The following EPHA3 variants were observed in gnomAD, a reference collection of about 807,000 sequenced individuals.
The protein encoded by EPHA3 is EPH receptor A3, also known as ephrin type-A receptor 3.
In EPHA3, 42 loss-of-function variants were observed where a neutral mutation model predicts 107.1. That is an observed-to-expected ratio of 0.39 (90% CI 0.31 to 0.51). EPHA3 has a LOEUF of 0.51. Ranked by LOEUF, EPHA3 falls within the 20% of genes least tolerant of loss-of-function variation. EPHA3 has a pLI of 0.78. For synonymous variants in EPHA3, 461 were observed against 424.8 expected (o/e 1.09, Z -1.05); for missense variants, 1,183 against 1,211.2 (o/e 0.98, Z 0.35).
At chr3:89,179,534 C>T (rs986522031) in intron 2 of EPHA3, among the ~76,000 whole-genome samples, 2 of 151,986 alleles carry the variant, frequency 1.3e-5, no homozygotes, top group Non-Finnish European at 2.9e-5. Flanking sequence ...TGAATCTTCT[C>T]TCATCTTTTT....
intron 3 of EPHA3, among the ~76,000 whole-genome samples, chr3:89,306,558 G>A (rs1412051191): frequency 6.6e-6 from 1 of 152,110 alleles, no homozygotes; most frequent in Non-Finnish European, 1.5e-5. Context: ...AGTTATAGTT[G>A]AATGTGGCCC....
At chr3:89,269,969 C>A (rs1705628489) in intron 3 of EPHA3, among the ~76,000 whole-genome samples, 1 of 151,852 alleles carries the variant, frequency 6.6e-6, no homozygotes, top group South Asian at 2.1e-4. Context: ...CTTCAAATCA[C>A]TGGTCTTTCA....
rs760852634 is a variant in EPHA3, at chr3:89,341,884, G to A, written c.1100G>A (p.Gly367Glu). 1 of 1,613,628 alleles carries A rather than the reference G, an allele frequency of 6.2e-7. No homozygotes were observed. The highest frequency in any genetic ancestry group is 1.7e-5 in the Admixed American group (1 of 59,938). Reference protein sequence around the residue: ...VTFNIICKKCGWNIKQCEPCS... With the variant: ...VTFNIICKKCEWNIKQCEPCS... ...TTCAACATCATATGTAAAAAATGTG[G>A]GTGGAATATAAAACAGTGTGAGCCA... The change falls in exon 5 of 17, where the codon GGG becomes GAG. Residue 367 changes from glycine to glutamate, a missense_variant. Coordinates refer to ENST00000336596, the MANE Select transcript of EPHA3 (RefSeq NM_005233.6).
intron 15 of EPHA3, among the ~76,000 whole-genome samples, chr3:89,459,626 G>A (rs981223294): frequency 1.9e-4 from 29 of 151,960 alleles, no homozygotes; most frequent in African/African-American, 6.3e-4. Context: ...GGGTTCAGGC[G>A]ATTCTCCTGC....
chr3:89,149,155 G>C (rs1458873400), intron 2 of EPHA3, among the ~76,000 whole-genome samples: 1 of 151,976 alleles, frequency 6.6e-6, no homozygotes, highest in Non-Finnish European at 1.5e-5. Context: ...GGATTTTATA[G>C]AGTGCTGGTT....
chr3:89,206,490 G>A (rs1428291109), intron 2 of EPHA3, among the ~76,000 whole-genome samples: 5 of 152,036 alleles, frequency 3.3e-5, no homozygotes, highest in Non-Finnish European at 5.9e-5. Flanking sequence ...TGTCATGATC[G>A]AACTTTCTAT....
chr3:89,349,747 G>C (rs1292416059), intron 5 of EPHA3, among the ~76,000 whole-genome samples: 3 of 150,446 alleles, frequency 2.0e-5, no homozygotes, highest in Non-Finnish European at 4.4e-5. Context: ...TTTTGCAGCA[G>C]CTGGTACCAG....
In EPHA3 at chr3:89,342,065, G is replaced by A. The variant is rs56112995; in HGVS notation, c.1281G>A (p.Ala427=). ...GCTCCCCACCAAGACAGTTTGCTGC[G>A]GTCAGCATCACAACTAATCAGGCTG... ...ELSSPPRQFA[A]VSITTNQAAP... The change falls in exon 5 of 17, where the codon GCG becomes GCA. Residue 427 remains alanine (A), a synonymous_variant. Coordinates refer to ENST00000336596, the MANE Select transcript of EPHA3 (RefSeq NM_005233.6). The A allele has an allele frequency of 4.9e-3, 7,860 of 1,609,542 alleles. 26 individuals are homozygous for A. The highest frequency in any genetic ancestry group is 5.7e-3 in the South Asian group (519 of 90,624).
At chr3:89,420,861 T>C (rs1709340247) in intron 11 of EPHA3, among the ~76,000 whole-genome samples, 1 of 151,484 alleles carries the variant, frequency 6.6e-6, no homozygotes, top group Admixed American at 6.6e-5. Context: ...TTACAAGTTT[T>C]TCATTATGAA....
intron 5 of EPHA3, among the ~76,000 whole-genome samples, chr3:89,370,464 A>G (rs1011085074): frequency 6.6e-6 from 1 of 151,788 alleles, no homozygotes; most frequent in Admixed American, 6.6e-5. Flanking sequence ...CAATGAGAAC[A>G]CATGGACACA....
chr3:89,353,007 T>C lies in EPHA3; in HGVS notation c.1306+10917T>C, dbSNP rs866530613. 2.4e-4 allele frequency among the ~76,000 whole-genome samples: 36 copies of C among 151,252 alleles called. 2 individuals carry two copies. In the Middle Eastern group the frequency reaches 0.01, roughly 43 times the overall value. On this transcript the variant is annotated intron_variant, in intron 5 of 16. Coordinates refer to ENST00000336596, the MANE Select transcript of EPHA3 (RefSeq NM_005233.6). ...TTCTAAGTTTTCTGTAGTTTCATTC[T>C]GGAATATGTTTCCTCTAGCCACCTT...
intron 3 of EPHA3, among the ~76,000 whole-genome samples, chr3:89,254,108 G>A (rs1295371286): frequency 2.0e-5 from 3 of 151,970 alleles, no homozygotes; most frequent in Non-Finnish European, 2.9e-5. Flanking sequence ...AGCCCTCCGA[G>A]TTTATATGTT....
intron 2 of EPHA3, among the ~76,000 whole-genome samples, chr3:89,135,281 T>C (rs1309363248): frequency 6.6e-6 from 1 of 152,156 alleles, no homozygotes; most frequent in Non-Finnish European, 1.5e-5. Context: ...TACCTCCTTA[T>C]GCATGTTCTT....
chr3:89,360,492 C>T (rs1016476130), intron 5 of EPHA3, among the ~76,000 whole-genome samples: 2 of 150,992 alleles, frequency 1.3e-5, no homozygotes, highest in Non-Finnish European at 3.0e-5. Context: ...TTAGTTATTT[C>T]AGTCAAAGCT....
At chr3:89,391,475 A>G (rs1039113342) in intron 5 of EPHA3, among the ~76,000 whole-genome samples, 3 of 130,268 alleles carry the variant, frequency 2.3e-5, no homozygotes, top group Admixed American at 9.2e-5. Flanking sequence ...GGCTGGGTGC[A>G]GTGGCGTGAT....
chr3:89,180,672 T>C (rs55849666), intron 2 of EPHA3, among the ~76,000 whole-genome samples: 54,573 of 151,854 alleles, frequency 0.36, 12,099 homozygotes, highest in Admixed American at 0.48. Flanking sequence ...GATAAAACAA[T>C]TGGACTGTTT....
chr3:89,395,325 T>C (rs1428137540), intron 5 of EPHA3, among the ~76,000 whole-genome samples: 1 of 152,212 alleles, frequency 6.6e-6, no homozygotes, highest in African/African-American at 2.4e-5. Flanking sequence ...AAATCATATC[T>C]ATTTTACAAT....
intron 2 of EPHA3, among the ~76,000 whole-genome samples, chr3:89,209,339 T>C (rs1470291801): frequency 1.3e-5 from 2 of 152,136 alleles, no homozygotes; most frequent in African/African-American, 2.4e-5. Flanking sequence ...GCAACACATG[T>C]CCATTGAAAT....
chr3:89,270,033 G>A (rs1415310291), intron 3 of EPHA3, among the ~76,000 whole-genome samples: 10 of 151,728 alleles, frequency 6.6e-5, no homozygotes, highest in Admixed American at 2.6e-4. Context: ...GTAGCTCTTC[G>A]ATGGGGCTGC....
Sources: allele counts gnomAD v4.1 joint callset (sites outside exome capture counted in the v4.1 genomes callset), GRCh38; gene constraint gnomAD v4.1.1; transcripts MANE v1.5; gene names NCBI Gene and HGNC (gene_info 2026-07-23, HGNC 2026-07-21).